RABGAP1L: variants seen among roughly 807,000 people sequenced by gnomAD.
The protein encoded by RABGAP1L is rab GTPase-activating protein 1-like.
A neutral mutation model predicts 137.7 loss-of-function variants in RABGAP1L; 63 were observed. That is an observed-to-expected ratio of 0.46 (90% CI 0.37 to 0.56). The LOEUF (loss-of-function observed/expected upper bound fraction) is 0.56, where lower values mean the gene tolerates loss of function less well. RABGAP1L is among the 20% of genes least tolerant of loss of function. RABGAP1L has a pLI of 0.00. For synonymous variants in RABGAP1L, 431 were observed against 433.7 expected, an observed-to-expected ratio of 0.99 and a Z score of 0.08; for missense variants, 1,095 against 1,244.0, an observed-to-expected ratio of 0.88 and a Z score of 1.80.
intron 10 of RABGAP1L, among the ~76,000 whole-genome samples, chr1:174,295,438 C>T (rs1677036187): frequency 1.3e-5 from 2 of 151,912 alleles, no homozygotes; most frequent in Admixed American, 1.3e-4. Flanking sequence ...GGTCAGAGTG[C>T]AGTGGCGCCA....
intron 19 of RABGAP1L, among the ~76,000 whole-genome samples, chr1:174,840,902 C>T (rs1026341659): frequency 1.3e-5 from 2 of 148,646 alleles, no homozygotes; most frequent in Non-Finnish European, 3.0e-5. Flanking sequence ...ACATGGGAAA[C>T]ACAAAGAAAA....
intron 13 of RABGAP1L, among the ~76,000 whole-genome samples, chr1:174,420,892 G>C (rs907868101): frequency 2.0e-5 from 3 of 152,028 alleles, no homozygotes; most frequent in Admixed American, 2.0e-4. Flanking sequence ...CGCCAGGATG[G>C]TCTCGATCTC....
At chr1:174,200,691 G>C (rs537172305) in intron 1 of RABGAP1L, among the ~76,000 whole-genome samples, 1 of 152,266 alleles carries the variant, frequency 6.6e-6, no homozygotes, top group Admixed American at 6.5e-5. Context: ...TTCTGGGATT[G>C]AGATCATGTT....
intron 11 of RABGAP1L, among the ~76,000 whole-genome samples, chr1:174,355,470 G>A (rs1683550276): frequency 7.5e-6 from 1 of 132,832 alleles, no homozygotes; most frequent in Admixed American, 7.6e-5. Context: ...TTGTGGGGTG[G>A]GGGGAGTGGG....
chr1:174,245,905 G>C (rs1169040586), intron 5 of RABGAP1L: 1 of 152,092 alleles, frequency 6.6e-6, no homozygotes, highest in Non-Finnish European at 1.5e-5. Flanking sequence ...CAAAGTGCTG[G>C]GATTACAGGT....
At chr1:174,423,487 C>CA (rs11433631) in intron 13 of RABGAP1L, among the ~76,000 whole-genome samples, 59,146 of 151,880 alleles carry the variant, frequency 0.39, 14,544 homozygotes, top group African/African-American at 0.7. Context: ...TCTCTAATCT[C>CA]AAATGAACTG....
chr1:174,485,173 T>C (rs1013820328), intron 13 of RABGAP1L, among the ~76,000 whole-genome samples: 2 of 152,152 alleles, frequency 1.3e-5, no homozygotes, highest in African/African-American at 2.4e-5. Flanking sequence ...ATAAAAATGG[T>C]TTTTGTATGT....
At chr1:174,602,467 A>G (rs1020437111) in intron 13 of RABGAP1L, among the ~76,000 whole-genome samples, 3 of 152,208 alleles carry the variant, frequency 2.0e-5, no homozygotes, top group Non-Finnish European at 4.4e-5. Flanking sequence ...CCATGATTCA[A>G]TTACCTCCAC....
intron 14 of RABGAP1L, among the ~76,000 whole-genome samples, chr1:174,653,151 C>A (rs1257706051): frequency 6.6e-6 from 1 of 152,166 alleles, no homozygotes; most frequent in South Asian, 2.1e-4. Flanking sequence ...CCTCCCCCAA[C>A]CAAGCTGGAG....
intron 19 of RABGAP1L, among the ~76,000 whole-genome samples, chr1:174,901,935 G>A (rs534908767): frequency 1.3e-5 from 2 of 152,182 alleles, no homozygotes; most frequent in East Asian, 1.9e-4. Flanking sequence ...TCTATCTATC[G>A]TAGGACTGCT....
chr1:174,602,329 T>A (rs928326580), intron 13 of RABGAP1L, among the ~76,000 whole-genome samples: 13 of 152,136 alleles, frequency 8.5e-5, no homozygotes, highest in Admixed American at 8.5e-4. Context: ...AAAATGAGAA[T>A]GAAGCAAAAG....
chr1:174,512,230 C>T (rs1662417705), intron 13 of RABGAP1L, among the ~76,000 whole-genome samples: 1 of 152,132 alleles, frequency 6.6e-6, no homozygotes, highest in Non-Finnish European at 1.5e-5. Flanking sequence ...CACTTACCAT[C>T]TGGGACACAA....
chr1:174,317,523 C>T (rs1264496870), intron 11 of RABGAP1L, among the ~76,000 whole-genome samples: 1 of 152,084 alleles, frequency 6.6e-6, no homozygotes, highest in Non-Finnish European at 1.5e-5. Context: ...AGATGTAAGA[C>T]AAAGTCTTCC....
chr1:174,175,199 T>TC (rs1665734420), intron 1 of RABGAP1L, among the ~76,000 whole-genome samples: 1 of 152,162 alleles, frequency 6.6e-6, no homozygotes, highest in Admixed American at 6.5e-5. Context: ...TTCAGTACAA[T>TC]ATTATATAAC....
At chr1:174,944,132 G>T (rs1211731323) in intron 19 of RABGAP1L, among the ~76,000 whole-genome samples, 1 of 151,688 alleles carries the variant, frequency 6.6e-6, no homozygotes, top group Non-Finnish European at 1.5e-5. Context: ...AATTAGCCAG[G>T]TGTGGTGGTG....
intron 13 of RABGAP1L, among the ~76,000 whole-genome samples, chr1:174,568,500 T>C (rs1007534982): frequency 1.3e-5 from 2 of 152,234 alleles, no homozygotes; most frequent in East Asian, 3.8e-4. Context: ...TTAATACTTT[T>C]GGTGGTTACC....
At chr1:174,694,816 A>G (rs1382636728) in intron 15 of RABGAP1L, among the ~76,000 whole-genome samples, 3 of 151,382 alleles carry the variant, frequency 2.0e-5, no homozygotes, top group Non-Finnish European at 4.4e-5. Flanking sequence ...AGTCCCACCG[A>G]CAGTGTAAAA....
At chr1:174,939,447 T>G (rs1665457879) in intron 19 of RABGAP1L, among the ~76,000 whole-genome samples, 1 of 151,798 alleles carries the variant, frequency 6.6e-6, no homozygotes, top group Non-Finnish European at 1.5e-5. Flanking sequence ...TACCATCTAC[T>G]TGGGAGGCTG....
chr1:174,386,873 A>G (rs1686839616), intron 12 of RABGAP1L, among the ~76,000 whole-genome samples: 1 of 152,054 alleles, frequency 6.6e-6, no homozygotes, highest in Non-Finnish European at 1.5e-5. Flanking sequence ...AAAATCGATA[A>G]CCCTGGCCCA....
Sources: gnomAD v4.1 joint callset for allele counts (sites outside exome capture counted in the v4.1 genomes callset) on GRCh38, gnomAD v4.1.1 for gene constraint, MANE v1.5 for transcripts, NCBI Gene and HGNC (gene_info 2026-07-23, HGNC 2026-07-21) for gene names.